Variants in ITGA8 observed in about 807,000 individuals in gnomAD.
The protein encoded by ITGA8 is integrin subunit alpha 8.
ITGA8 carries 91 observed loss-of-function variants against 142.3 expected under a neutral mutation model. That is an observed-to-expected ratio of 0.64 (90% CI 0.54 to 0.76). ITGA8 has a LOEUF of 0.76. Among genes scored for constraint, ITGA8 ranks in the 30% least tolerant of loss-of-function variants. The pLI is 0.00. For synonymous variants in ITGA8, 505 were observed against 485.2 expected, an observed-to-expected ratio of 1.04 and a Z score of -0.54; for missense variants, 1,406 against 1,327.7, an observed-to-expected ratio of 1.06 and a Z score of -0.92.
chr10:15,630,945 G>A (rs995295796), intron 13 of ITGA8, among the ~76,000 whole-genome samples: 25 of 151,946 alleles, frequency 1.6e-4, no homozygotes, highest in African/African-American at 4.1e-4. Flanking sequence ...TTTTTCATAC[G>A]TTTGTTGGCT....
intron 8 of ITGA8, among the ~76,000 whole-genome samples, chr10:15,661,983 C>T (rs1834296154): frequency 6.6e-6 from 1 of 152,152 alleles, no homozygotes; most frequent in South Asian, 2.1e-4. Flanking sequence ...CAGGGTCAGG[C>T]CTGTGGGTGA....
intron 8 of ITGA8, among the ~76,000 whole-genome samples, chr10:15,669,128 C>G (rs1368330452): frequency 6.6e-6 from 1 of 152,192 alleles, no homozygotes; most frequent in Admixed American, 6.5e-5. Context: ...CAACTTGGTT[C>G]TATTCTCCCT....
rs1010836831 is a variant in ITGA8, at chr10:15,587,325, G to T, written c.2292-661C>A. On this transcript the variant is annotated intron_variant, in intron 22 of 29. Transcript: ENST00000378076. ...TCCTTAACATCTCTGCGCATATCAT[G>T]TTCATTGCCCATTAAATAGGAAGTA... is the stretch of plus-strand genomic sequence containing the variant. 2.0e-5 allele frequency among the ~76,000 whole-genome samples: 3 copies of T among 152,170 alleles called. No individual in the cohort carries two copies. In the East Asian group the frequency reaches 5.8e-4, roughly 29 times the overall value.
chr10:15,678,701 T>G, intron 5 of ITGA8, 21 bp downstream of exon 5: 1 of 1,575,702 alleles, frequency 6.3e-7, no homozygotes, highest in Non-Finnish European at 8.7e-7. Flanking sequence ...TATTAGGAAC[T>G]GCGAGACCAA....
intron 28 of ITGA8, among the ~76,000 whole-genome samples, chr10:15,526,338 G>C (rs531829964): frequency 6.6e-6 from 1 of 151,982 alleles, no homozygotes; most frequent in Non-Finnish European, 1.5e-5. Flanking sequence ...CACCATGCCT[G>C]GCTAATTTTC....
intron 9 of ITGA8, among the ~76,000 whole-genome samples, chr10:15,659,895 T>C (rs1180791606): frequency 2.0e-5 from 3 of 152,196 alleles, no homozygotes; most frequent in Middle Eastern, 3.2e-3. Context: ...CTATCATAGA[T>C]GCTCTGGTGA....
intron 6 of ITGA8, among the ~76,000 whole-genome samples, chr10:15,674,479 A>G (rs1271826138): frequency 6.6e-6 from 1 of 152,172 alleles, no homozygotes; most frequent in Non-Finnish European, 1.5e-5. Context: ...TTAGAAGAAA[A>G]CCTTCCGTAA....
intron 11 of ITGA8, among the ~76,000 whole-genome samples, chr10:15,650,584 A>C (rs996246369): frequency 2.0e-5 from 3 of 152,096 alleles, no homozygotes; most frequent in African/African-American, 7.2e-5. Context: ...CGGCCCCTTG[A>C]CCTTGGACTT....
Position 15,575,511 on chromosome 10 carries a change from G to T in ITGA8, c.2456C>A (p.Pro819Gln), listed in dbSNP as rs1168979931. 1.2e-6 allele frequency: 2 copies of T among 1,613,534 alleles called. No homozygotes were observed. Among genetic ancestry groups the T allele is most frequent in the Non-Finnish European group, 8.5e-7 (1 of 1,179,520 alleles). Residue 819 changes from proline (P) to glutamine (Q), a missense_variant, in exon 24 of 30, where the codon CCA (proline) becomes CAA (glutamine). Coordinates refer to ENST00000378076, the MANE Select transcript of ITGA8 (RefSeq NM_003638.3). The stretch of plus-strand genomic sequence containing the variant: ...TACCTCATAAATATGTTCCACCAAT[G>T]GTCCAACCTCCTCCTCTTTGTGGGG... ...EEPHKEEEVG[P>Q]LVEHIYELHN... is the part of the protein sequence containing the mutation.
chr10:15,604,791 T>C (rs138219933), intron 19 of ITGA8, among the ~76,000 whole-genome samples: 70 of 152,020 alleles, frequency 4.6e-4, no homozygotes, highest in Non-Finnish European at 7.9e-4. Flanking sequence ...GGCAATGGAA[T>C]AAAAGGAAGA....
chr10:15,586,899 T>C (rs1253895873), intron 22 of ITGA8, among the ~76,000 whole-genome samples: 2 of 152,012 alleles, frequency 1.3e-5, no homozygotes, highest in Non-Finnish European at 2.9e-5. Context: ...TATCTGGAAA[T>C]ACAATAGATA....
chr10:15,577,598 A>T (rs1834323924), intron 23 of ITGA8, among the ~76,000 whole-genome samples: 1 of 152,162 alleles, frequency 6.6e-6, no homozygotes, highest in South Asian at 2.1e-4. Flanking sequence ...GGCTCACAAA[A>T]TTCAGTTATT....
chr10:15,670,850 A>G (rs1834500804), intron 8 of ITGA8, among the ~76,000 whole-genome samples: 1 of 152,128 alleles, frequency 6.6e-6, no homozygotes, highest in African/African-American at 2.4e-5. Context: ...ATCTCGTTTC[A>G]CTATCAAAGT....
chr10:15,632,297 C>T (rs1833698340), intron 13 of ITGA8, among the ~76,000 whole-genome samples: 1 of 152,108 alleles, frequency 6.6e-6, no homozygotes, highest in Non-Finnish European at 1.5e-5. Flanking sequence ...GATGGAGGTA[C>T]TCAGAGGTTT....
chr10:15,646,308 A>T (rs1438030944), intron 12 of ITGA8, among the ~76,000 whole-genome samples: 1 of 152,212 alleles, frequency 6.6e-6, no homozygotes, highest in Non-Finnish European at 1.5e-5. Flanking sequence ...AACATTTGAG[A>T]TGTTATTTTG....
chr10:15,600,018 T>C lies in ITGA8; in HGVS notation c.2119-2719A>G, dbSNP rs561316080. 3.3e-5 allele frequency among the ~76,000 whole-genome samples: 5 copies of C among 152,362 alleles called. No individual in the cohort carries two copies. The South Asian group carries it at 1.0e-3, about 32-fold the overall frequency. ...TCGGCTACATAATAGCTGTATAACC[T>C]TGCGCATGTTACTTAATTTATTCTT... is the stretch of plus-strand genomic sequence containing the variant. On this transcript the variant is annotated intron_variant, in intron 20 of 29. Coordinates refer to ENST00000378076, the MANE Select transcript of ITGA8 (RefSeq NM_003638.3).
At chr10:15,537,423 A>G (rs1424905361) in intron 27 of ITGA8, among the ~76,000 whole-genome samples, 2 of 152,230 alleles carry the variant, frequency 1.3e-5, no homozygotes, top group African/African-American at 4.8e-5. Context: ...TATCTCTGGA[A>G]GTGATGCTTT....
intron 28 of ITGA8, among the ~76,000 whole-genome samples, chr10:15,522,635 A>G (rs1472126256): frequency 6.6e-6 from 1 of 152,236 alleles, no homozygotes; most frequent in Admixed American, 6.5e-5. Context: ...TACTTTGAGC[A>G]TGTGTCAGAG....
chr10:15,638,135 T>A (rs1833805327), intron 13 of ITGA8, among the ~76,000 whole-genome samples: 1 of 152,170 alleles, frequency 6.6e-6, no homozygotes, highest in African/African-American at 2.4e-5. Flanking sequence ...AAAAAACTAG[T>A]CCTGATTATA....
Sources: gnomAD v4.1 joint callset for allele counts (sites outside exome capture counted in the v4.1 genomes callset) on GRCh38, gnomAD v4.1.1 for gene constraint, MANE v1.5 for transcripts, NCBI Gene and HGNC (gene_info 2026-07-23, HGNC 2026-07-21) for gene names.